GAS2L3: variants seen among roughly 807,000 people sequenced by gnomAD.
The protein encoded by GAS2L3 is growth arrest specific 2 like 3, also known as GAS2-like protein 3.
A neutral mutation model predicts 37.0 loss-of-function variants in GAS2L3; 28 were observed. The ratio of observed to expected loss-of-function variants is 0.76; its 90% CI spans 0.56 to 1.04. GAS2L3 has a LOEUF of 1.04. Among genes scored for constraint, GAS2L3 ranks in the 50% least tolerant of loss-of-function variants. The pLI is 0.00. For synonymous variants in GAS2L3, 290 were observed against 296.6 expected, an observed-to-expected ratio of 0.98 and a Z score of 0.23; for missense variants, 793 against 817.6, an observed-to-expected ratio of 0.97 and a Z score of 0.37.
At chr12:100,586,097 G>C (rs1955777966) in intron 1 of GAS2L3, among the ~76,000 whole-genome samples, 1 of 152,082 alleles carries the variant, frequency 6.6e-6, no homozygotes, top group South Asian at 2.1e-4. Context: ...TTCATTAGGG[G>C]CTTCCATTGC....
Position 100,579,367 on chromosome 12 carries a change from C to T in GAS2L3, c.-152+5582C>T, listed in dbSNP as rs185910529. On this transcript the variant is annotated intron_variant, in intron 1 of 9. Coordinates refer to ENST00000547754, the MANE Select transcript of GAS2L3 (RefSeq NM_174942.3). ...CTGAAATAGTGTCTGTCATTCCTAA[C>T]GCTGTAGATCCTATTGACTTCACTC... The T allele has an allele frequency of 7.1e-5, 54 of 764,568 alleles. 1 individual carries two copies. The highest frequency in any genetic ancestry group is 1.8e-4 in the South Asian group (11 of 59,566). The allele number at this position is 764,568 out of a possible 1,614,324, so 47.4% of individuals were successfully genotyped here.
In GAS2L3 at chr12:100,618,505, A is replaced by C; in HGVS notation, c.566A>C (p.Glu189Ala). Residue 189 changes from glutamate (E) to alanine (A), a missense_variant, in exon 8 of 10, where the codon GAG becomes GCG. Physicochemically the swap from Glu to Ala is moderately radical, Grantham distance 107. Transcript: ENST00000547754. ...CTTGAGAAAGAAATTGAGTTAGAAG[A>C]GACTTTGCTTAATACTTCTGGGCCT... ...VKLEKEIELE[E>A]TLLNTSGPED... is the part of the protein sequence containing the mutation. The C allele has an allele frequency of 6.2e-7, 1 of 1,612,358 alleles. No individual in the cohort carries two copies. Among genetic ancestry groups the C allele is most frequent in the South Asian group, 1.1e-5 (1 of 90,736 alleles).
intron 6 of GAS2L3, among the ~76,000 whole-genome samples, chr12:100,615,945 T>C (rs1427294874): frequency 6.6e-6 from 1 of 152,142 alleles, no homozygotes. Context: ...GTTCTTTTTC[T>C]AGATTGGTTA....
intron 4 of GAS2L3, among the ~76,000 whole-genome samples, chr12:100,601,017 A>G (rs78402211): frequency 0.01 from 1,541 of 152,206 alleles, 23 homozygotes; most frequent in African/African-American, 0.035. Context: ...GGAGAATGGC[A>G]TTGTATTTTT....
At chr12:100,611,973 T>C (rs367793238) in intron 5 of GAS2L3, 27 bp from the exon 6 acceptor site, 329 of 1,502,190 alleles carry the variant, frequency 2.2e-4, no homozygotes, top group Non-Finnish European at 2.8e-4. Context: ...TGATACATTT[T>C]TGAAATTATT....
At chr12:100,600,277 C>A in intron 3 of GAS2L3, 105 bp from the exon 4 acceptor site, 3 of 711,366 alleles carry the variant, frequency 4.2e-6, no homozygotes, top group Non-Finnish European at 7.0e-6. Context: ...TTATATGTGT[C>A]TATTATGTAT....
At chr12:100,617,187 A>G (rs2136555888) in intron 6 of GAS2L3, among the ~76,000 whole-genome samples, 1 of 152,146 alleles carries the variant, frequency 6.6e-6, no homozygotes, top group Admixed American at 6.5e-5. Context: ...TAATCCTTCT[A>G]TATGCTGCCA....
At chr12:100,594,408 G>A (rs1307941009) in intron 2 of GAS2L3, among the ~76,000 whole-genome samples, 1 of 152,024 alleles carries the variant, frequency 6.6e-6, no homozygotes, top group Non-Finnish European at 1.5e-5. Context: ...AGCAGAATAA[G>A]CTTATAGTCA....
At chr12:100,609,602 G>C (rs1393225819) in intron 5 of GAS2L3, among the ~76,000 whole-genome samples, 2 of 152,192 alleles carry the variant, frequency 1.3e-5, no homozygotes, top group Non-Finnish European at 2.9e-5. Context: ...TCTGAGTCCA[G>C]CTCAGCACTG....
chr12:100,575,412 T>G (rs1476503642), intron 1 of GAS2L3, among the ~76,000 whole-genome samples: 1 of 152,004 alleles, frequency 6.6e-6, no homozygotes, highest in South Asian at 2.1e-4. Context: ...TCAGGTATTG[T>G]GTTCTTTACT....
chr12:100,623,856 G>A lies in GAS2L3; in HGVS notation c.1051G>A (p.Gly351Ser). 1 of 1,613,904 alleles carries A rather than the reference G, an allele frequency of 6.2e-7. No homozygotes were observed. The highest frequency in any genetic ancestry group is 1.1e-5 in the South Asian group (1 of 91,066). Residue 351 changes from glycine (G) to serine (S), a missense_variant, in exon 10 of 10, where the codon GGT becomes AGT. Gly to Ser is a moderately conservative substitution (Grantham distance 56, BLOSUM62 0). Transcript: ENST00000547754. ...KSKEKQGRPPGALVPASSLKG... is the reference protein window; with the variant it reads ...KSKEKQGRPPSALVPASSLKG... ...CAAAGAAAAACAGGGACGTCCACCA[G>A]GTGCATTGGTGCCAGCATCTTCACT...
intron 3 of GAS2L3, among the ~76,000 whole-genome samples, chr12:100,595,844 C>T (rs759809776): frequency 2.6e-5 from 4 of 151,974 alleles, no homozygotes; most frequent in Non-Finnish European, 5.9e-5. Context: ...CCTGTAAGCA[C>T]GTCAGAAGTT....
Position 100,581,731 on chromosome 12 carries a change from A to G in GAS2L3, c.-152+7946A>G, listed in dbSNP as rs1955715007. Among the ~76,000 whole-genome samples the G allele has an allele frequency of 2.6e-5, 4 of 152,374 alleles. 1 individual carries two copies. The South Asian group carries it at 8.3e-4, about 32-fold the overall frequency. On this transcript the variant is annotated intron_variant, in intron 1 of 9. Coordinates refer to ENST00000547754, the MANE Select transcript of GAS2L3 (RefSeq NM_174942.3). ...TTTTTATGTGTAGGAACTCACATATAAACATGAAATAACCACTGCCAATAT... is the reference window on the plus strand; with the variant it reads ...TTTTTATGTGTAGGAACTCACATATGAACATGAAATAACCACTGCCAATAT...
chr12:100,590,637 C>T (rs569442280), intron 1 of GAS2L3, among the ~76,000 whole-genome samples: 9 of 152,260 alleles, frequency 5.9e-5, no homozygotes, highest in African/African-American at 2.2e-4. Flanking sequence ...CAGCAAGATT[C>T]ACAATTGCAA....
chr12:100,578,947 A>G, intron 1 of GAS2L3: 1 of 927,344 alleles, frequency 1.1e-6, no homozygotes, highest in Non-Finnish European at 1.8e-6. Flanking sequence ...ATAAGGTTAT[A>G]ATTGTCATCC....
At chr12:100,608,278 GGGGA>G (rs1010942944) in intron 5 of GAS2L3, among the ~76,000 whole-genome samples, 19 of 152,172 alleles carry the variant, frequency 1.2e-4, no homozygotes, top group African/African-American at 4.6e-4. Flanking sequence ...CTGGGGATGG[GGGGA>G]CACAAGTACC....
At chr12:100,600,188 T>C (rs543913533) in intron 3 of GAS2L3, among the ~76,000 whole-genome samples, 194 bp from the exon 4 acceptor site, 22 of 152,304 alleles carry the variant, frequency 1.4e-4, no homozygotes, top group African/African-American at 5.1e-4. Context: ...ATCGCATCAC[T>C]GCACTCTAGC....
intron 8 of GAS2L3, among the ~76,000 whole-genome samples, chr12:100,621,882 G>GGAGGGAGAGAGA (rs1956257251): frequency 1.2e-5 from 1 of 81,256 alleles, no homozygotes; most frequent in African/African-American, 5.4e-5. Flanking sequence ...GGTGGGGGGG[G>GGAGGGAGAGAGA]GAGAGAGAGA....
intron 1 of GAS2L3, chr12:100,574,124 C>G (rs35718): frequency 0.43 from 65,607 of 152,114 alleles, 14,357 homozygotes; most frequent in East Asian, 0.53. Flanking sequence ...AGCCGCTACT[C>G]GCCCTGCTTT....
Sources: allele counts gnomAD v4.1 joint callset (sites outside exome capture counted in the v4.1 genomes callset), GRCh38; gene constraint gnomAD v4.1.1; transcripts MANE v1.5; gene names NCBI Gene and HGNC (gene_info 2026-07-23, HGNC 2026-07-21).